ACOT7: variants seen among roughly 807,000 people sequenced by gnomAD.
The protein encoded by ACOT7 is cytosolic acyl coenzyme A thioester hydrolase.
A neutral mutation model predicts 40.2 loss-of-function variants in ACOT7; 12 were observed. That is an observed-to-expected ratio of 0.30 (90% CI 0.19 to 0.48). ACOT7 has a LOEUF of 0.48. Ranked by LOEUF, ACOT7 falls within the 20% of genes least tolerant of loss-of-function variation. The pLI, the probability that ACOT7 is intolerant of heterozygous loss-of-function variation, is 0.99. For missense variants in ACOT7, 395 were observed against 530.8 expected (o/e 0.74, Z 2.51); for synonymous variants, 228 against 219.5 (o/e 1.04, Z -0.34).
chr1:6,291,588 A>C (rs1181876949), intron 7 of ACOT7, among the ~76,000 whole-genome samples: 4 of 152,166 alleles, frequency 2.6e-5, no homozygotes, highest in Non-Finnish European at 5.9e-5. Context: ...GTGCAACCCG[A>C]GGTGAGGTTT....
At chr1:6,381,024 C>T (rs1045072838) in intron 1 of ACOT7, among the ~76,000 whole-genome samples, 14 of 150,812 alleles carry the variant, frequency 9.3e-5, no homozygotes, top group African/African-American at 2.2e-4. Context: ...ACTCCTAAAA[C>T]GCAACAATAA....
At chr1:6,326,138 C>T (rs1208368096) in intron 5 of ACOT7, among the ~76,000 whole-genome samples, 1 of 152,184 alleles carries the variant, frequency 6.6e-6, no homozygotes, top group African/African-American at 2.4e-5. Context: ...ACGAATGTGC[C>T]ACGAGCCCAG....
At chr1:6,336,483 G>A (rs919117451) in intron 3 of ACOT7, among the ~76,000 whole-genome samples, 9 of 152,138 alleles carry the variant, frequency 5.9e-5, no homozygotes, top group Non-Finnish European at 8.8e-5. Context: ...CAAGGTTTGC[G>A]GGTCGTCTGC....
chr1:6,287,221 T>C (rs1417761016), intron 7 of ACOT7, among the ~76,000 whole-genome samples: 2 of 152,192 alleles, frequency 1.3e-5, no homozygotes, highest in Non-Finnish European at 2.9e-5. Context: ...GGGTCAAGCT[T>C]CATCACTCAC....
intron 8 of ACOT7, among the ~76,000 whole-genome samples, chr1:6,279,093 G>T (rs1023533115): frequency 6.6e-6 from 1 of 152,240 alleles, no homozygotes; most frequent in East Asian, 1.9e-4. Context: ...GCGGGCCCAG[G>T]TGGGAGTGGA....
chr1:6,276,399 G>C (rs1344857165), intron 8 of ACOT7, among the ~76,000 whole-genome samples: 2 of 152,078 alleles, frequency 1.3e-5, no homozygotes, highest in African/African-American at 2.4e-5. Flanking sequence ...GCCTCTACGC[G>C]CTGAGTTGGC....
At chr1:6,343,502 C>A (rs1641332940) in intron 2 of ACOT7, among the ~76,000 whole-genome samples, 2 of 152,256 alleles carry the variant, frequency 1.3e-5, no homozygotes, top group Non-Finnish European at 2.9e-5. Flanking sequence ...TTCTGGTTTG[C>A]ACGGGCTTGT....
At chr1:6,308,242 CT>C (rs1640220695) in intron 6 of ACOT7, among the ~76,000 whole-genome samples, 1 of 138,952 alleles carries the variant, frequency 7.2e-6, no homozygotes, top group African/African-American at 2.6e-5. Context: ...GCAGAGGGAA[CT>C]ACAACCAGGC....
chr1:6,389,281 AC>A (rs1438401657), intron 1 of ACOT7, among the ~76,000 whole-genome samples: 1 of 150,016 alleles, frequency 6.7e-6, no homozygotes, highest in Non-Finnish European at 1.5e-5. Flanking sequence ...CAAAGAAAAC[AC>A]AAAAAAACCT....
intron 8 of ACOT7, among the ~76,000 whole-genome samples, chr1:6,273,913 C>T (rs1237482491): frequency 6.6e-6 from 1 of 152,204 alleles, no homozygotes; most frequent in Non-Finnish European, 1.5e-5. Flanking sequence ...AGCAGAGACC[C>T]TAGGGCCCTG....
At chr1:6,348,240 T>C (rs1257573215) in intron 2 of ACOT7, among the ~76,000 whole-genome samples, 3 of 152,094 alleles carry the variant, frequency 2.0e-5, no homozygotes, top group African/African-American at 7.2e-5. Flanking sequence ...CTCCTGAACC[T>C]GTACCACACG....
At chr1:6,279,396 C>T (rs371554815) in intron 8 of ACOT7, among the ~76,000 whole-genome samples, 78 of 152,276 alleles carry the variant, frequency 5.1e-4, no homozygotes, top group African/African-American at 1.5e-3. Context: ...AGAGCCAGCC[C>T]TGATGGGGCA....
At position 6,317,596 on chromosome 1, in the gene ACOT7, C is replaced by G. The variant is rs1640528480; in HGVS notation, c.712+896G>C. ...GGGGCCATCGGTGCCCTGCAAGGCC[C>G]TGCCCTGACCCTCAGCAGGCATTAA... On this transcript the variant is annotated intron_variant, in intron 6 of 8. Coordinates refer to ENST00000361521, the MANE Select transcript of ACOT7 (RefSeq NM_007274.4). Among the ~76,000 whole-genome samples the G allele has an allele frequency of 2.0e-5, 3 of 152,336 alleles. No individual in the cohort carries two copies. In the South Asian group the frequency reaches 6.2e-4, roughly 32 times the overall value.
chr1:6,329,212 C>G (rs1450724510), intron 4 of ACOT7, among the ~76,000 whole-genome samples: 1 of 152,240 alleles, frequency 6.6e-6, no homozygotes, highest in Admixed American at 6.5e-5. Context: ...GTCTCAGCAC[C>G]ATTCACCGTT....
chr1:6,283,523 G>A (rs1016251400), intron 7 of ACOT7, among the ~76,000 whole-genome samples: 10 of 152,186 alleles, frequency 6.6e-5, no homozygotes, highest in East Asian at 3.8e-4. Flanking sequence ...CTGCTGCCAC[G>A]GCCAGATCCT....
In ACOT7 at chr1:6,282,796, G is replaced by A. The variant is rs763749535; in HGVS notation, c.830-1510C>T. 3.3e-5 allele frequency: 43 copies of A among 1,304,194 alleles called. No homozygotes were observed. The highest frequency in any genetic ancestry group is 5.5e-5 in the East Asian group (1 of 18,046). 80.8% of individuals were successfully genotyped at this position (1,304,194 alleles called of 1,614,324 possible). On this transcript the variant is annotated intron_variant, in intron 7 of 8. Coordinates refer to ENST00000361521, the MANE Select transcript of ACOT7 (RefSeq NM_007274.4). This position sits in a 1 kb window ranked among gnomAD's most constrained non-coding sequence, Gnocchi z 4.5. ...GTCAGCGCCAGCAGGCATTACGTGA[G>A]CTGTAAGGTACAGAGTCCCATGCAA... is the stretch of plus-strand genomic sequence containing the variant.
chr1:6,329,812 A>G (rs1165865245), intron 4 of ACOT7, among the ~76,000 whole-genome samples: 2 of 152,088 alleles, frequency 1.3e-5, no homozygotes, highest in South Asian at 4.2e-4. Context: ...CAGACATTTG[A>G]AAAAAACCAA....
At chr1:6,349,159 T>C (rs1641517539) in intron 2 of ACOT7, among the ~76,000 whole-genome samples, 1 of 152,186 alleles carries the variant, frequency 6.6e-6, no homozygotes. Flanking sequence ...AGGTTGACAC[T>C]AGACACCGTG....
rs1323889678 is a variant in ACOT7 at position 6,385,761 on chromosome 1, G to A, written c.143+7496C>T. The A allele has an allele frequency of 8.2e-5, 121 of 1,479,008 alleles. 5 individuals carry two copies. Among genetic ancestry groups the A allele is most frequent in the Non-Finnish European group, 9.9e-5 (110 of 1,114,374 alleles). The allele number at this position is 1,479,008 out of a possible 1,614,324, so 91.6% of individuals were successfully genotyped here. ...TGCCTGGCCGGCTCAGCAGTGAGCC[G>A]GTGTGATCCCTCCCTGATAGAAAGC... On this transcript the variant is annotated intron_variant, in intron 1 of 8. Transcript: ENST00000361521.
Sources: gnomAD v4.1 joint callset for allele counts (sites outside exome capture counted in the v4.1 genomes callset) on GRCh38, gnomAD v4.1.1 for gene constraint, Gnocchi (gnomAD v3.1) non-coding constraint, MANE v1.5 for transcripts, NCBI Gene and HGNC (gene_info 2026-07-23, HGNC 2026-07-21) for gene names.